Variants in SLC25A12 observed in about 807,000 individuals in gnomAD.
SLC25A12 encodes solute carrier family 25 member 12, also known as electrogenic aspartate/glutamate antiporter SLC25A12, mitochondrial.
Under a neutral mutation model 83.3 loss-of-function variants are expected in SLC25A12, and 32 were observed. That is an observed-to-expected ratio of 0.38 (90% CI 0.29 to 0.52). The LOEUF (loss-of-function observed/expected upper bound fraction) is 0.52, where lower values mean the gene tolerates loss of function less well. Among genes scored for constraint, SLC25A12 ranks in the 20% least tolerant of loss-of-function variants. The probability of loss-of-function intolerance (pLI) is 0.84; values close to 1 mark genes in which losing one functional copy is unlikely to be tolerated. For missense variants in SLC25A12, 611 were observed against 835.6 expected, an observed-to-expected ratio of 0.73 and a Z score of 3.31; for synonymous variants, 267 against 291.1, an observed-to-expected ratio of 0.92 and a Z score of 0.84.
Position 171,785,243 on chromosome 2 carries a change from C to A in SLC25A12, c.*31G>T, listed in dbSNP as rs779771090. The A allele has an allele frequency of 6.2e-7, 1 of 1,607,384 alleles. No homozygotes were observed. The highest frequency in any genetic ancestry group is 8.5e-7 in the Non-Finnish European group (1 of 1,174,178). On this transcript the variant is annotated 3_prime_UTR_variant, in exon 18 of 18. Coordinates refer to ENST00000422440, the MANE Select transcript of SLC25A12 (RefSeq NM_003705.5). Reference sequence around the variant, plus strand: ...CTCTCCTAGGCCTCTTTCTTCAAGGCGCCATTTTGCCACACTCAACAGTTG... The same window carrying A: ...CTCTCCTAGGCCTCTTTCTTCAAGGAGCCATTTTGCCACACTCAACAGTTG...
At position 171,876,549 on chromosome 2, in the gene SLC25A12, G is replaced by T. The variant is rs1393189256; in HGVS notation, c.67-7726C>A. Among the ~76,000 whole-genome samples, 4 of 143,434 alleles carry T rather than the reference G, an allele frequency of 2.8e-5. 1 individual carries two copies. The highest frequency in any genetic ancestry group is 4.7e-4 in the East Asian group (2 of 4,248). The allele number at this position is 143,434 out of a possible 152,430, so 94.1% of individuals were successfully genotyped here. On this transcript the variant is annotated intron_variant, in intron 2 of 17. Transcript: ENST00000422440. Reference sequence around the variant, plus strand: ...GGTTTGGGTTTTTTTTTTTTGGGGGGGGGGGGACTCAAGTGATCCTCCCAC... The same window carrying T: ...GGTTTGGGTTTTTTTTTTTTGGGGGTGGGGGGACTCAAGTGATCCTCCCAC...
chr2:171,877,896 T>C (rs1022897542), intron 2 of SLC25A12, among the ~76,000 whole-genome samples: 26 of 152,180 alleles, frequency 1.7e-4, no homozygotes, highest in Non-Finnish European at 4.4e-5. Flanking sequence ...CTCTAAAAGA[T>C]ATTCCAGAGA....
At position 171,841,203 on chromosome 2, in the gene SLC25A12, C is replaced by T. The variant is rs573426824; in HGVS notation, c.465+3166G>A. 3.3e-5 allele frequency among the ~76,000 whole-genome samples: 5 copies of T among 152,306 alleles called. No homozygotes were observed. The East Asian group carries it at 5.8e-4, about 18-fold the overall frequency. On this transcript the variant is annotated intron_variant, in intron 5 of 17. Coordinates refer to ENST00000422440, the MANE Select transcript of SLC25A12 (RefSeq NM_003705.5). ...CAAGAGATTCTCCTGCCTCAGCCTC[C>T]CAAGTAGCTGGGATTACAGGTGCCT...
chr2:171,861,610 G>A (rs575242060), intron 3 of SLC25A12, among the ~76,000 whole-genome samples: 1 of 152,258 alleles, frequency 6.6e-6, no homozygotes, highest in Admixed American at 6.5e-5. Context: ...GTTTTGCTAT[G>A]TTACCCCGGT....
At chr2:171,807,818 C>T (rs1250561874) in intron 13 of SLC25A12, among the ~76,000 whole-genome samples, 1 of 152,162 alleles carries the variant, frequency 6.6e-6, no homozygotes, top group Non-Finnish European at 1.5e-5. Flanking sequence ...AGATTTCCTT[C>T]CTGAGAATGT....
At chr2:171,892,232 CT>C (rs11442059) in intron 2 of SLC25A12, among the ~76,000 whole-genome samples, 30 of 146,298 alleles carry the variant, frequency 2.1e-4, no homozygotes, top group Non-Finnish European at 2.1e-4. Context: ...TTTACATCTA[CT>C]TTTTTTTTTT....
intron 2 of SLC25A12, among the ~76,000 whole-genome samples, chr2:171,892,370 C>A (rs113873495): frequency 6.6e-6 from 1 of 152,020 alleles, no homozygotes; most frequent in Non-Finnish European, 1.5e-5. Flanking sequence ...GGACTACAGG[C>A]GCCCACCACC....
chr2:171,789,321 C>G (rs1690550832), intron 15 of SLC25A12, among the ~76,000 whole-genome samples: 2 of 152,256 alleles, frequency 1.3e-5, no homozygotes, highest in South Asian at 4.1e-4. Context: ...CTCCGCCTCC[C>G]AGGTTCATGC....
intron 4 of SLC25A12, among the ~76,000 whole-genome samples, 178 bp from the exon 5 acceptor site, chr2:171,844,686 CA>C (rs1684754575): frequency 2.0e-5 from 3 of 152,148 alleles, no homozygotes; most frequent in African/African-American, 7.2e-5. Flanking sequence ...ACAACTGATA[CA>C]AAAAATATAA....
chr2:171,829,803 G>A (rs192972192), intron 8 of SLC25A12, among the ~76,000 whole-genome samples: 62 of 152,272 alleles, frequency 4.1e-4, no homozygotes, highest in Non-Finnish European at 7.2e-4. Flanking sequence ...ATGAATCTTT[G>A]AGGCCACTTG....
chr2:171,811,199 T>G (rs1185774341), intron 11 of SLC25A12, among the ~76,000 whole-genome samples: 1 of 152,212 alleles, frequency 6.6e-6, no homozygotes, highest in Non-Finnish European at 1.5e-5. Context: ...ACTGCTGATC[T>G]TAAGCCTGCT....
chr2:171,848,227 A>T, intron 4 of SLC25A12: 1 of 471,048 alleles, frequency 2.1e-6, no homozygotes, highest in South Asian at 1.5e-5. Context: ...TGTTCCATGA[A>T]TGAGCCTGGA....
At chr2:171,804,235 G>A (rs535190841) in intron 13 of SLC25A12, among the ~76,000 whole-genome samples, 1 of 151,140 alleles carries the variant, frequency 6.6e-6, no homozygotes, top group Non-Finnish European at 1.5e-5. Flanking sequence ...CTTACAAAAG[G>A]CCACATATCA....
At chr2:171,788,111 T>A in intron 15 of SLC25A12, 164 bp from the exon 16 acceptor site, 1 of 674,644 alleles carries the variant, frequency 1.5e-6, no homozygotes, top group Non-Finnish European at 2.6e-6. Context: ...AGAAGCCTAT[T>A]AGCTGTTGCA....
intron 9 of SLC25A12, among the ~76,000 whole-genome samples, chr2:171,818,450 T>G (rs908313514): frequency 6.6e-6 from 1 of 151,708 alleles, no homozygotes; most frequent in Non-Finnish European, 1.5e-5. Flanking sequence ...TTCTCTTCAT[T>G]TTTTTGTTAT....
intron 4 of SLC25A12, among the ~76,000 whole-genome samples, chr2:171,852,968 G>A (rs900020229): frequency 4.6e-5 from 7 of 152,186 alleles, no homozygotes; most frequent in Non-Finnish European, 1.0e-4. Context: ...ACCATCAAAA[G>A]AGCCAACCAG....
chr2:171,788,091 A>G, intron 15 of SLC25A12, 144 bp from the exon 16 acceptor site: 1 of 761,600 alleles, frequency 1.3e-6, no homozygotes, highest in Non-Finnish European at 2.2e-6. Flanking sequence ...CATTAATGGG[A>G]AAAGGGCATA....
chr2:171,854,509 G>A (rs910542333), intron 4 of SLC25A12, among the ~76,000 whole-genome samples: 2 of 152,072 alleles, frequency 1.3e-5, no homozygotes, highest in Non-Finnish European at 1.5e-5. Flanking sequence ...AGGGGTTGCC[G>A]TGAGCCAAGA....
intron 3 of SLC25A12, among the ~76,000 whole-genome samples, chr2:171,867,703 T>C (rs1207744383): frequency 1.3e-5 from 2 of 152,172 alleles, no homozygotes; most frequent in African/African-American, 4.8e-5. Flanking sequence ...AACCCGTAAG[T>C]CACAGAGCTA....
Sources: allele counts gnomAD v4.1 joint callset (sites outside exome capture counted in the v4.1 genomes callset), GRCh38; gene constraint gnomAD v4.1.1; transcripts MANE v1.5; gene names NCBI Gene and HGNC (gene_info 2026-07-23, HGNC 2026-07-21).